The following CAST variants were observed in gnomAD, a reference collection of about 807,000 sequenced individuals.
CAST encodes the protein MIR583 host.
CAST carries 76 observed loss-of-function variants against 119.6 expected under a neutral mutation model. That is an observed-to-expected ratio of 0.64 (90% CI 0.53 to 0.77). The LOEUF (loss-of-function observed/expected upper bound fraction) is 0.77. CAST is among the 30% of genes least tolerant of loss of function. CAST has a pLI of 0.00. For missense variants in CAST, 953 were observed against 946.5 expected (o/e 1.01, Z -0.09); for synonymous variants, 319 against 331.6 (o/e 0.96, Z 0.41).
At chr5:96,521,947 C>T (rs1338045500), upstream of CAST, among the ~76,000 whole-genome samples, 1 of 152,082 alleles carries the variant, frequency 6.6e-6, no homozygotes, top group Admixed American at 6.6e-5. Context: ...AACCCCATCT[C>T]TACTAAAAAT....
intron 1 of CAST, among the ~76,000 whole-genome samples, chr5:96,633,560 A>C (rs1465025324): frequency 6.6e-6 from 1 of 152,194 alleles, no homozygotes; most frequent in Middle Eastern, 3.2e-3. Flanking sequence ...CCCCTAAGTG[A>C]GAATTGACAA....
At chr5:96,500,689 T>C in the CAST span, among the ~76,000 whole-genome samples, 4 of 152,194 alleles carry the variant, frequency 2.6e-5, no homozygotes, top group Non-Finnish European at 2.9e-5. Context: ...GAAAAACTTT[T>C]CTAAGAATCT....
intron 1 of CAST, among the ~76,000 whole-genome samples, chr5:96,672,188 G>GGTATATAAAGACATGTA (rs1475856822): frequency 2.0e-5 from 3 of 151,992 alleles, no homozygotes; most frequent in African/African-American, 7.3e-5. Flanking sequence ...TTCCATTACA[G>GGTATATAAAGACATGTA]GTATATAAAG....
At chr5:96,458,397 G>A in the CAST span, among the ~76,000 whole-genome samples, 1 of 152,116 alleles carries the variant, frequency 6.6e-6, no homozygotes, top group Non-Finnish European at 1.5e-5. Flanking sequence ...ATCTAGAGAA[G>A]TCATTACTAC....
At chr5:96,718,874 G>A (rs994844022) in intron 3 of CAST, among the ~76,000 whole-genome samples, 1 of 152,140 alleles carries the variant, frequency 6.6e-6, no homozygotes, top group Non-Finnish European at 1.5e-5. Context: ...GTCATGAGGA[G>A]AAAGAATTCT....
chr5:96,738,055 C>G, intron 11 of CAST, 108 bp downstream of exon 11: 1 of 652,644 alleles, frequency 1.5e-6, no homozygotes. Context: ...GGCGCAGTGG[C>G]TCACATCTGT....
At chr5:96,477,631 T>C in the CAST span, among the ~76,000 whole-genome samples, 6 of 152,224 alleles carry the variant, frequency 3.9e-5, no homozygotes, top group African/African-American at 1.4e-4. Context: ...TGGGATATTT[T>C]AAGACATGTT....
chr5:96,757,762 G>A, intron 24 of CAST, 108 bp downstream of exon 24: 1 of 709,912 alleles, frequency 1.4e-6, no homozygotes, highest in Non-Finnish European at 2.3e-6. Flanking sequence ...GCCATCTTCA[G>A]TCACCGCAAC....
At chr5:96,398,913 T>C in the CAST span, 2 of 1,613,770 alleles carry the variant, frequency 1.2e-6, no homozygotes, top group East Asian at 2.2e-5. Flanking sequence ...GAAGGTCTCC[T>C]CTTCGGGAAT....
At chr5:96,425,530 C>T in the CAST span, among the ~76,000 whole-genome samples, 3 of 152,044 alleles carry the variant, frequency 2.0e-5, no homozygotes, top group Non-Finnish European at 4.4e-5. Context: ...TTTTGGAAAC[C>T]CTAACCTGCA....
At chr5:96,019,129 C>A in the CAST span, among the ~76,000 whole-genome samples, 5 of 152,244 alleles carry the variant, frequency 3.3e-5, no homozygotes, top group African/African-American at 1.2e-4. Context: ...TTTCCCAATG[C>A]ACTCATAATG....
the CAST span, among the ~76,000 whole-genome samples, chr5:96,453,596 G>A: frequency 1.3e-5 from 2 of 152,148 alleles, no homozygotes; most frequent in African/African-American, 4.8e-5. Flanking sequence ...GATCCAGTGT[G>A]GTTTTCCTAT....
chr5:96,380,824 A>G, the CAST span, among the ~76,000 whole-genome samples: 5 of 152,244 alleles, frequency 3.3e-5, no homozygotes, highest in East Asian at 1.9e-4. Context: ...CAGTGAATCA[A>G]TGTTGTCCAA....
the CAST span, among the ~76,000 whole-genome samples, chr5:96,342,870 G>A: frequency 6.6e-6 from 1 of 152,104 alleles, no homozygotes; most frequent in African/African-American, 2.4e-5. Context: ...GCTTCACTGA[G>A]TTATGTGCAT....
At chr5:96,712,660 C>G (rs999061819) in intron 3 of CAST, among the ~76,000 whole-genome samples, 1 of 152,198 alleles carries the variant, frequency 6.6e-6, no homozygotes, top group Admixed American at 6.5e-5. Context: ...AAGATTGATA[C>G]AACACTGCCT....
At chr5:96,162,752 G>A in the CAST span, among the ~76,000 whole-genome samples, 1 of 152,118 alleles carries the variant, frequency 6.6e-6, no homozygotes, top group Admixed American at 6.5e-5. Flanking sequence ...CTATTCTTGG[G>A]ATAGTTTATC....
the CAST span, among the ~76,000 whole-genome samples, chr5:96,513,359 T>G: frequency 6.6e-6 from 1 of 152,154 alleles, no homozygotes; most frequent in East Asian, 1.9e-4. Flanking sequence ...AGCACAGAAG[T>G]TAAAATAAAT....
chr5:95,990,916 G>A, the CAST span, among the ~76,000 whole-genome samples: 1 of 151,906 alleles, frequency 6.6e-6, no homozygotes, highest in African/African-American at 2.4e-5. Context: ...TTTTAGAAAA[G>A]TATTATAAGC....
chr5:96,276,964 T>A, the CAST span, among the ~76,000 whole-genome samples: 3 of 152,244 alleles, frequency 2.0e-5, no homozygotes, highest in Admixed American at 2.0e-4. Context: ...AACTTTAGAT[T>A]GGTCCTGTCT....
Sources: gnomAD v4.1 joint callset for allele counts (sites outside exome capture counted in the v4.1 genomes callset) on GRCh38, gnomAD v4.1.1 for gene constraint, MANE v1.5 for transcripts, NCBI Gene and HGNC (gene_info 2026-07-23, HGNC 2026-07-21) for gene names.